Variants in RANBP2 observed in about 807,000 individuals in gnomAD.
RANBP2 encodes the protein RAN binding protein 2, also known as E3 SUMO-protein ligase RanBP2.
In RANBP2, 57 loss-of-function variants were observed where a neutral mutation model predicts 303.6. The observed-to-expected ratio is 0.19, with a 90% confidence interval of 0.15 to 0.23. The LOEUF (loss-of-function observed/expected upper bound fraction) is 0.23. Among genes scored for constraint, RANBP2 ranks in the 10% least tolerant of loss-of-function variants. The pLI, the probability that RANBP2 is intolerant of heterozygous loss-of-function variation, is 1.00. For missense variants in RANBP2, 3,138 were observed against 3,780.8 expected, an observed-to-expected ratio of 0.83 and a Z score of 4.46; for synonymous variants, 1,167 against 1,301.5, an observed-to-expected ratio of 0.90 and a Z score of 2.23.
chr2:109,325,331 C>CTTT, the RANBP2 span, among the ~76,000 whole-genome samples: 201 of 66,170 alleles, frequency 3.0e-3, no homozygotes, highest in African/African-American at 6.3e-3. Context: ...TTCTTTCTTT[C>CTTT]TTTTTTTTTT....
the RANBP2 span, among the ~76,000 whole-genome samples, chr2:109,359,001 G>A: frequency 6.6e-6 from 1 of 152,176 alleles, no homozygotes; most frequent in Non-Finnish European, 1.5e-5. Flanking sequence ...GCATGTGGAT[G>A]TCTAGTTTTC....
the RANBP2 span, among the ~76,000 whole-genome samples, chr2:109,135,390 A>G: frequency 4.6e-5 from 7 of 152,196 alleles, no homozygotes; most frequent in South Asian, 2.1e-4. Context: ...CTTCCTCACC[A>G]TCTGCCCCGG....
the RANBP2 span, among the ~76,000 whole-genome samples, chr2:109,377,323 T>C: frequency 6.6e-6 from 1 of 151,990 alleles, no homozygotes; most frequent in Non-Finnish European, 1.5e-5. Flanking sequence ...GGGTCACAGA[T>C]GAGAGGTGGA....
At chr2:109,395,965 G>T in the RANBP2 span, among the ~76,000 whole-genome samples, 1 of 152,220 alleles carries the variant, frequency 6.6e-6, no homozygotes, top group Non-Finnish European at 1.5e-5. Context: ...GGGGAGAAGG[G>T]AATCATTTGA....
chr2:109,449,311 C>T, the RANBP2 span: 23 of 1,607,558 alleles, frequency 1.4e-5, no homozygotes, highest in Admixed American at 5.1e-5. Flanking sequence ...CACCAGCCCC[C>T]GGTGCAGATG....
At chr2:109,332,872 C>A in the RANBP2 span, among the ~76,000 whole-genome samples, 1 of 152,208 alleles carries the variant, frequency 6.6e-6, no homozygotes, top group African/African-American at 2.4e-5. Flanking sequence ...GTGTTTCTTG[C>A]CTTATAGAAT....
the RANBP2 span, among the ~76,000 whole-genome samples, chr2:109,275,029 A>G: frequency 6.8e-3 from 1,031 of 152,176 alleles, 13 homozygotes; most frequent in African/African-American, 0.023. Flanking sequence ...TGTAATATTT[A>G]TAGATTACCA....
chr2:109,357,098 A>G, the RANBP2 span, among the ~76,000 whole-genome samples: 1 of 150,736 alleles, frequency 6.6e-6, no homozygotes, highest in Non-Finnish European at 1.5e-5. Context: ...TATATTTAAT[A>G]CTTATACATA....
chr2:109,691,448 A>G, the RANBP2 span, among the ~76,000 whole-genome samples: 160 of 152,244 alleles, frequency 1.1e-3, 1 homozygote, highest in African/African-American at 3.4e-3. Context: ...GCCTGTTTCT[A>G]GGGCTCTGTT....
At chr2:108,763,094 C>T (rs1197855228) in intron 19 of RANBP2, 143 bp from the exon 20 acceptor site, 26 of 992,430 alleles carry the variant, frequency 2.6e-5, no homozygotes, top group South Asian at 2.1e-4. Flanking sequence ...CTGGCATAAA[C>T]GGGTTAATGA....
At chr2:109,341,216 A>C in the RANBP2 span, among the ~76,000 whole-genome samples, 1 of 152,236 alleles carries the variant, frequency 6.6e-6, no homozygotes, top group African/African-American at 2.4e-5. Context: ...AAAAGGGACA[A>C]AGGAACTCGA....
the RANBP2 span, among the ~76,000 whole-genome samples, chr2:109,610,149 C>A: frequency 1.3e-5 from 2 of 151,006 alleles, no homozygotes; most frequent in Non-Finnish European, 2.9e-5. Flanking sequence ...AGTGCAGTGG[C>A]GCGATCTCAG....
chr2:108,805,213 A>G, the RANBP2 span, among the ~76,000 whole-genome samples: 4 of 152,166 alleles, frequency 2.6e-5, no homozygotes, highest in South Asian at 4.1e-4. Context: ...CTGGCAACCA[A>G]CTGACAAACA....
chr2:109,114,912 A>G, the RANBP2 span, among the ~76,000 whole-genome samples: 3 of 151,858 alleles, frequency 2.0e-5, no homozygotes, highest in Non-Finnish European at 4.4e-5. Flanking sequence ...TTCAGGAGCA[A>G]GTTGTTCAGT....
chr2:109,315,876 C>A, the RANBP2 span, among the ~76,000 whole-genome samples: 1 of 152,206 alleles, frequency 6.6e-6, no homozygotes, highest in Non-Finnish European at 1.5e-5. Flanking sequence ...ATCAAAGCCA[C>A]CAGTTCCCAG....
At chr2:108,864,634 A>T in the RANBP2 span, among the ~76,000 whole-genome samples, 3 of 152,160 alleles carry the variant, frequency 2.0e-5, no homozygotes, top group South Asian at 6.2e-4. Flanking sequence ...TGTCTCTACT[A>T]AAAAAACAAA....
the RANBP2 span, chr2:108,885,050 T>C: frequency 6.6e-6 from 1 of 152,386 alleles, no homozygotes; most frequent in East Asian, 1.9e-4. Flanking sequence ...TACTGAGAGA[T>C]GCTAAAGGAG....
chr2:108,741,495 C>CTT (rs34872068), intron 7 of RANBP2, among the ~76,000 whole-genome samples: 1,228 of 61,820 alleles, frequency 0.02, 261 homozygotes, highest in East Asian at 0.042. Flanking sequence ...TGCGCCTGGC[C>CTT]TTTTTTTTTT....
the RANBP2 span, among the ~76,000 whole-genome samples, chr2:109,486,384 C>T: frequency 5.9e-5 from 9 of 152,264 alleles, 1 homozygote; most frequent in South Asian, 1.9e-3. Context: ...CGGGTGCTCT[C>T]CCAAGGCAAG....
Sources: gnomAD v4.1 joint callset for allele counts (sites outside exome capture counted in the v4.1 genomes callset) on GRCh38, gnomAD v4.1.1 for gene constraint, MANE v1.5 for transcripts, NCBI Gene and HGNC (gene_info 2026-07-23, HGNC 2026-07-21) for gene names.